DMD: variants seen among roughly 807,000 people sequenced by gnomAD.
The protein encoded by DMD is dystrophin.
In DMD, 63 loss-of-function variants were observed where a neutral mutation model predicts 330.1. The ratio of observed to expected loss-of-function variants is 0.19; its 90% CI spans 0.16 to 0.24. The LOEUF is 0.24. Ranked by LOEUF, DMD falls within the 10% of genes least tolerant of loss-of-function variation. DMD has a pLI of 1.00. For synonymous variants in DMD, 1,223 were observed against 959.8 expected, an observed-to-expected ratio of 1.27 and a Z score of -5.07; for missense variants, 3,344 against 2,684.1, an observed-to-expected ratio of 1.25 and a Z score of -5.43.
chrX:31,430,241 TG>T (rs1359854927), intron 60 of DMD, among the ~76,000 whole-genome samples: 1 of 111,388 alleles, frequency 9.0e-6, no homozygotes, highest in Non-Finnish European at 1.9e-5. Flanking sequence ...GCCTGGTGGC[TG>T]CCAGCAAAGG....
chrX:32,779,746 AT>A (rs1206305792), intron 7 of DMD, among the ~76,000 whole-genome samples: 1 of 102,727 alleles, frequency 9.7e-6, no homozygotes, highest in Non-Finnish European at 2.0e-5. Context: ...GAGGGATAGC[AT>A]TAGGAGATAT....
intron 43 of DMD, among the ~76,000 whole-genome samples, chrX:32,230,155 T>C (rs746518502): frequency 5.6e-4 from 63 of 112,317 alleles, no homozygotes; most frequent in Non-Finnish European, 9.2e-4. Flanking sequence ...TTCAAATTTA[T>C]CCATAAGTAA....
At chrX:31,386,080 C>T (rs1183265473) in intron 60 of DMD, among the ~76,000 whole-genome samples, 6 of 112,025 alleles carry the variant, frequency 5.4e-5, no homozygotes, top group Non-Finnish European at 1.1e-4. Flanking sequence ...TTTGTAGGGA[C>T]ATGGATGAAG....
At chrX:32,372,905 T>C (rs1401529901) in intron 34 of DMD, among the ~76,000 whole-genome samples, 1 of 111,180 alleles carries the variant, frequency 9.0e-6, no homozygotes, top group East Asian at 2.8e-4. Flanking sequence ...ATTCTTTTTT[T>C]CTGTAACTAT....
chrX:32,639,607 G>A (rs943270475), intron 11 of DMD, among the ~76,000 whole-genome samples: 2 of 112,050 alleles, frequency 1.8e-5, no homozygotes, highest in Admixed American at 9.5e-5. Flanking sequence ...TACCTCATCA[G>A]AAATTTATGT....
At position 32,767,683 on chromosome X, in the gene DMD, T is replaced by C. The variant is rs942705275; in HGVS notation, c.649+41810A>G. The stretch of plus-strand genomic sequence containing the variant: ...TTTCTCATCTGGAATATTAAGCTAA[T>C]GCTATTTTGTCAATAGGATTTTTGT... On this transcript the variant is annotated intron_variant, in intron 7 of 78. Transcript: ENST00000357033. Among the ~76,000 whole-genome samples the C allele has an allele frequency of 6.3e-5, 7 of 111,873 alleles. No individual in the cohort carries two copies. In the Admixed American group the frequency reaches 6.7e-4, roughly 11 times the overall value.
chrX:32,241,729 T>C (rs1422552285), intron 43 of DMD, among the ~76,000 whole-genome samples: 1 of 112,650 alleles, frequency 8.9e-6, no homozygotes. Context: ...GTCATCAACA[T>C]ATATTTCTGT....
At chrX:32,947,980 T>A (rs187248079) in intron 2 of DMD, among the ~76,000 whole-genome samples, 20 of 111,525 alleles carry the variant, frequency 1.8e-4, no homozygotes, top group African/African-American at 6.2e-4. Flanking sequence ...ACTGAATCCT[T>A]AAGCTGGTTG....
intron 2 of DMD, among the ~76,000 whole-genome samples, chrX:32,968,145 T>G (rs1412221231): frequency 8.9e-6 from 1 of 112,194 alleles, no homozygotes; most frequent in Non-Finnish European, 1.9e-5. Context: ...AATAAATGAC[T>G]GTGTGCATTG....
intron 1 of DMD, among the ~76,000 whole-genome samples, chrX:33,192,478 GATA>G (rs755396969): frequency 2.7e-4 from 30 of 112,184 alleles, no homozygotes; most frequent in African/African-American, 9.1e-4. Flanking sequence ...GATGCTTTAA[GATA>G]ATATTTCTCA....
At chrX:32,342,960 T>A in intron 40 of DMD, 174 bp downstream of exon 40, 1 of 520,559 alleles carries the variant, frequency 1.9e-6, no homozygotes, top group Non-Finnish European at 3.3e-6. Flanking sequence ...ATTACGTCAA[T>A]TGAATAACAC....
intron 1 of DMD, among the ~76,000 whole-genome samples, chrX:33,314,573 T>TG (rs1247899307): frequency 4.1e-5 from 4 of 98,402 alleles, no homozygotes; most frequent in Non-Finnish European, 6.1e-5. Flanking sequence ...TTTTTTTGTT[T>TG]TTTTTTTTTT....
intron 55 of DMD, among the ~76,000 whole-genome samples, chrX:31,530,186 C>G (rs1981784610): frequency 8.9e-6 from 1 of 112,001 alleles, no homozygotes; most frequent in Non-Finnish European, 1.9e-5. Context: ...CTAACTGTAT[C>G]TAGAGAAAAC....
At chrX:32,883,831 A>C (rs1383689030) in intron 2 of DMD, among the ~76,000 whole-genome samples, 4 of 88,400 alleles carry the variant, frequency 4.5e-5, no homozygotes, top group African/African-American at 1.6e-4. Context: ...TTCAAAAAAA[A>C]AAAAAAAAAA....
At chrX:32,653,640 G>T (rs146829101) in intron 9 of DMD, among the ~76,000 whole-genome samples, 3,003 of 111,683 alleles carry the variant, frequency 0.027, 80 homozygotes, top group African/African-American at 0.093. Flanking sequence ...TGGCAATGTG[G>T]GCTCTTTTTT....
intron 25 of DMD, among the ~76,000 whole-genome samples, chrX:32,455,809 C>A (rs2098355275): frequency 9.0e-6 from 1 of 111,058 alleles, no homozygotes; most frequent in Admixed American, 9.6e-5. Flanking sequence ...GTGTAAAATG[C>A]AAGTTGCAAA....
chrX:31,295,761 T>G (rs924798773), intron 62 of DMD, among the ~76,000 whole-genome samples: 1 of 112,059 alleles, frequency 8.9e-6, no homozygotes, highest in Non-Finnish European at 1.9e-5. Context: ...ATTTCAACAT[T>G]TTTTGCCATT....
chrX:31,662,713 A>ATT (rs2081197178), intron 53 of DMD, among the ~76,000 whole-genome samples: 1 of 111,638 alleles, frequency 9.0e-6, no homozygotes, highest in African/African-American at 3.3e-5. Context: ...ATCTTAAGGA[A>ATT]GTCATTAACC....
At chrX:32,878,426 G>A (rs2083562833) in intron 2 of DMD, among the ~76,000 whole-genome samples, 1 of 111,519 alleles carries the variant, frequency 9.0e-6, no homozygotes, top group Admixed American at 9.5e-5. Context: ...CTTTAACTTC[G>A]ACAGAATGTT....
Sources: allele counts gnomAD v4.1 joint callset (sites outside exome capture counted in the v4.1 genomes callset), GRCh38; gene constraint gnomAD v4.1.1; transcripts MANE v1.5; gene names NCBI Gene and HGNC (gene_info 2026-07-23, HGNC 2026-07-21).